ANKS1B: variants seen among roughly 807,000 people sequenced by gnomAD.
The protein encoded by ANKS1B is ankyrin repeat and sterile alpha motif domain containing 1B, also known as ankyrin repeat and sterile alpha motif domain-containing protein 1B.
Under a neutral mutation model 148.3 loss-of-function variants are expected in ANKS1B, and 36 were observed. That is an observed-to-expected ratio of 0.24 (90% CI 0.19 to 0.32). The LOEUF (loss-of-function observed/expected upper bound fraction) is 0.32, where lower values mean the gene tolerates loss of function less well. Ranked by LOEUF, ANKS1B falls within the 10% of genes least tolerant of loss-of-function variation. The pLI, the probability that ANKS1B is intolerant of heterozygous loss-of-function variation, is 1.00. For missense variants in ANKS1B, 1,157 were observed against 1,542.6 expected (o/e 0.75, Z 4.19); for synonymous variants, 542 against 560.8 (o/e 0.97, Z 0.47).
At chr12:99,388,269 T>C (rs1342707178) in intron 12 of ANKS1B, among the ~76,000 whole-genome samples, 2 of 152,234 alleles carry the variant, frequency 1.3e-5, no homozygotes, top group Admixed American at 6.5e-5. Context: ...CCCTCTGTCT[T>C]ATGTCTTAAG....
intron 9 of ANKS1B, among the ~76,000 whole-genome samples, chr12:99,515,795 T>C (rs2096813421): frequency 6.6e-6 from 1 of 152,106 alleles, no homozygotes; most frequent in African/African-American, 2.4e-5. Flanking sequence ...GTACCATGGT[T>C]CCCTTTTCTC....
At chr12:99,579,093 T>A (rs2097545821) in intron 9 of ANKS1B, among the ~76,000 whole-genome samples, 1 of 152,032 alleles carries the variant, frequency 6.6e-6, no homozygotes, top group Non-Finnish European at 1.5e-5. Flanking sequence ...TAACAAGCAA[T>A]GGGGAAAGGA....
chr12:99,346,065 C>T (rs986609594), intron 12 of ANKS1B, among the ~76,000 whole-genome samples: 6 of 151,978 alleles, frequency 3.9e-5, no homozygotes, highest in Admixed American at 1.3e-4. Flanking sequence ...CTACTAATTT[C>T]GATGCCACAT....
intron 12 of ANKS1B, among the ~76,000 whole-genome samples, chr12:99,298,449 T>G (rs2081191748): frequency 6.6e-6 from 1 of 152,206 alleles, no homozygotes; most frequent in African/African-American, 2.4e-5. Context: ...GCTTCCCCTT[T>G]GCCTTCTGCC....
At chr12:99,977,465 T>C (rs2095643520) in intron 1 of ANKS1B, among the ~76,000 whole-genome samples, 1 of 152,204 alleles carries the variant, frequency 6.6e-6, no homozygotes, top group African/African-American at 2.4e-5. Context: ...CATCTCTTCA[T>C]ACTGTCACAA....
intron 8 of ANKS1B, among the ~76,000 whole-genome samples, chr12:99,686,729 T>A (rs1212025114): frequency 6.6e-6 from 1 of 152,158 alleles, no homozygotes; most frequent in Non-Finnish European, 1.5e-5. Context: ...ACACATACTA[T>A]GAAAACCTTA....
chr12:99,504,605 T>C lies in ANKS1B; in HGVS notation c.1309A>G (p.Ile437Val). 1 of 1,607,802 alleles carries C rather than the reference T, an allele frequency of 6.2e-7. No individual in the cohort carries two copies. The highest frequency in any genetic ancestry group is 8.5e-7 in the Non-Finnish European group (1 of 1,176,912). Residue 437 changes from isoleucine to valine, a missense_variant, in exon 10 of 27, where the codon ATT (isoleucine) becomes GTT (valine). Ile to Val is a conservative substitution (Grantham distance 29). Transcript: ENST00000683438. ...GTATCCAGAGAAGCAGATGGTACAA[T>C]TTCCATAGTGTAATTTCTCTTCTTT... is the stretch of plus-strand genomic sequence containing the variant. ...YPKKRNYTMEIVPSASLDTFP... is the reference protein window; with the variant it reads ...YPKKRNYTMEVVPSASLDTFP...
Position 99,505,920 on chromosome 12 carries a change from C to A in ANKS1B, c.1273-1279G>T, listed in dbSNP as rs1035802897. 5.3e-5 allele frequency among the ~76,000 whole-genome samples: 8 copies of A among 152,012 alleles called. No homozygotes were observed. In the South Asian group the frequency reaches 1.0e-3, roughly 20 times the overall value. Reference sequence around the variant, plus strand: ...GCCTACCTTAAATGTGCTCAGAACACTTACATTAGCGTATAGTTGGGCAAA... The same window carrying A: ...GCCTACCTTAAATGTGCTCAGAACAATTACATTAGCGTATAGTTGGGCAAA... On this transcript the variant is annotated intron_variant, in intron 9 of 26. Coordinates refer to ENST00000683438, the MANE Select transcript of ANKS1B (RefSeq NM_001352186.2).
chr12:99,385,208 C>T (rs1406985888), intron 12 of ANKS1B, among the ~76,000 whole-genome samples: 1 of 151,704 alleles, frequency 6.6e-6, no homozygotes, highest in Non-Finnish European at 1.5e-5. Flanking sequence ...GTGGCTCACG[C>T]CTGTAATCGC....
At chr12:98,848,584 A>T (rs2099497792) in intron 17 of ANKS1B, among the ~76,000 whole-genome samples, 1 of 144,390 alleles carries the variant, frequency 6.9e-6, no homozygotes, top group African/African-American at 2.6e-5. Context: ...TTTGATGCGG[A>T]GTCTCGCTCT....
intron 9 of ANKS1B, among the ~76,000 whole-genome samples, chr12:99,504,854 C>T (rs945191313): frequency 6.6e-6 from 1 of 151,998 alleles, no homozygotes; most frequent in Non-Finnish European, 1.5e-5. Flanking sequence ...GAATTTATTA[C>T]TGAATTAGTA....
At chr12:99,593,240 G>T (rs766934532) in intron 9 of ANKS1B, among the ~76,000 whole-genome samples, 2 of 150,436 alleles carry the variant, frequency 1.3e-5, no homozygotes, top group Non-Finnish European at 2.9e-5. Context: ...GATGGTTGGG[G>T]TTGGGGGGGT....
intron 4 of ANKS1B, among the ~76,000 whole-genome samples, chr12:99,796,315 T>C (rs1488250767): frequency 6.6e-6 from 1 of 152,022 alleles, no homozygotes; most frequent in African/African-American, 2.4e-5. Flanking sequence ...TGTTTATTTC[T>C]ATAATTTTCC....
chr12:99,829,169 A>C (rs1031965348), intron 1 of ANKS1B, among the ~76,000 whole-genome samples: 1 of 152,162 alleles, frequency 6.6e-6, no homozygotes, highest in East Asian at 1.9e-4. Context: ...ACAATGAAAG[A>C]CATCATTTTA....
At chr12:99,081,898 C>G (rs1182151795) in intron 16 of ANKS1B, among the ~76,000 whole-genome samples, 1 of 152,154 alleles carries the variant, frequency 6.6e-6, no homozygotes, top group East Asian at 1.9e-4. Flanking sequence ...CTCATTCATT[C>G]TTAAAAGAAT....
At chr12:99,640,515 T>C (rs1053457513) in intron 9 of ANKS1B, among the ~76,000 whole-genome samples, 2 of 152,222 alleles carry the variant, frequency 1.3e-5, no homozygotes, top group African/African-American at 4.8e-5. Flanking sequence ...CAACCGTCTC[T>C]CATTCTCTTG....
intron 17 of ANKS1B, among the ~76,000 whole-genome samples, chr12:98,862,121 T>C (rs1787416096): frequency 6.6e-6 from 1 of 152,198 alleles, no homozygotes; most frequent in South Asian, 2.1e-4. Flanking sequence ...CTCTAAATTG[T>C]GTTTGTCATC....
At chr12:98,799,729 T>A (rs1342095202) in intron 21 of ANKS1B, among the ~76,000 whole-genome samples, 1 of 152,116 alleles carries the variant, frequency 6.6e-6, no homozygotes, top group African/African-American at 2.4e-5. Flanking sequence ...TGCTCCAGCT[T>A]CTGGCTGGGG....
chr12:99,616,840 C>A (rs570750718), intron 9 of ANKS1B, among the ~76,000 whole-genome samples: 1 of 152,060 alleles, frequency 6.6e-6, no homozygotes, highest in East Asian at 1.9e-4. Flanking sequence ...AAGCTATCAT[C>A]GGAGTGAACA....
Sources: allele counts gnomAD v4.1 joint callset (sites outside exome capture counted in the v4.1 genomes callset), GRCh38; gene constraint gnomAD v4.1.1; transcripts MANE v1.5; gene names NCBI Gene and HGNC (gene_info 2026-07-23, HGNC 2026-07-21).